Variants in CNTNAP5 observed in about 807,000 individuals in gnomAD.
CNTNAP5 encodes the protein contactin-associated protein-like 5.
A neutral mutation model predicts 150.2 loss-of-function variants in CNTNAP5; 72 were observed. The observed-to-expected ratio is 0.48, with a 90% CI of 0.40 to 0.58. The LOEUF (loss-of-function observed/expected upper bound fraction) is 0.58, where lower values mean the gene tolerates loss of function less well. Among genes scored for constraint, CNTNAP5 ranks in the 20% least tolerant of loss-of-function variants. CNTNAP5 has a pLI of 0.00. For synonymous variants in CNTNAP5, 672 were observed against 619.8 expected (o/e 1.08, Z -1.25); for missense variants, 1,636 against 1,626.2 (o/e 1.01, Z -0.10).
intron 13 of CNTNAP5, among the ~76,000 whole-genome samples, chr2:124,650,402 G>A (rs954516027): frequency 2.0e-5 from 3 of 152,176 alleles, no homozygotes; most frequent in African/African-American, 7.2e-5. Flanking sequence ...ATGCATGTGA[G>A]CTCACCGTCT....
At chr2:124,317,816 C>T (rs768266374) in intron 3 of CNTNAP5, among the ~76,000 whole-genome samples, 1 of 151,960 alleles carries the variant, frequency 6.6e-6, no homozygotes, top group Non-Finnish European at 1.5e-5. Context: ...GTAGGTGCAC[C>T]CTTAAAGTAA....
chr2:124,333,126 G>A (rs1689389401), intron 3 of CNTNAP5, among the ~76,000 whole-genome samples: 1 of 152,064 alleles, frequency 6.6e-6, no homozygotes, highest in Non-Finnish European at 1.5e-5. Context: ...ATTGGAGCCT[G>A]GCGCTTTGGC....
chr2:124,575,714 G>C (rs904713085), intron 11 of CNTNAP5, among the ~76,000 whole-genome samples: 2 of 152,174 alleles, frequency 1.3e-5, no homozygotes, highest in African/African-American at 4.8e-5. Flanking sequence ...TGAGCTCCTT[G>C]AGGTCATGCA....
chr2:124,737,886 GTGT>G (rs1472730304), intron 13 of CNTNAP5, among the ~76,000 whole-genome samples: 1 of 151,758 alleles, frequency 6.6e-6, no homozygotes, highest in African/African-American at 2.4e-5. Context: ...TTACCTCATA[GTGT>G]TGTTGTGGAG....
rs1255262734 is a variant in CNTNAP5 at position 124,829,218 on chromosome 2, TG to T, written c.3217+30900del. ...GAGTCAGGGGCTTGTGAAATTATGC[TG>T]GCAAGCTGAAAAGGGCCAAAAGGGC... On this transcript the variant is annotated intron_variant, in intron 19 of 23. Transcript: ENST00000682447. 2.0e-5 allele frequency among the ~76,000 whole-genome samples: 3 copies of T among 152,164 alleles called. No individual in the cohort carries two copies. In the East Asian group the frequency reaches 5.8e-4, roughly 29 times the overall value.
intron 1 of CNTNAP5, among the ~76,000 whole-genome samples, chr2:124,174,504 G>T (rs1685015245): frequency 6.6e-6 from 1 of 152,194 alleles, no homozygotes; most frequent in Admixed American, 6.5e-5. Flanking sequence ...ATTCAGCAGA[G>T]AAAGTAACTA....
intron 3 of CNTNAP5, among the ~76,000 whole-genome samples, chr2:124,336,530 C>A (rs1283558727): frequency 9.5e-6 from 1 of 105,794 alleles, no homozygotes; most frequent in East Asian, 3.9e-4. Flanking sequence ...CCCCCTCCCC[C>A]CACCCCACAA....
chr2:124,677,581 G>C (rs1373142246), intron 13 of CNTNAP5, among the ~76,000 whole-genome samples: 2 of 152,164 alleles, frequency 1.3e-5, no homozygotes, highest in Non-Finnish European at 2.9e-5. Context: ...ACAGAGCACT[G>C]ATTGGTGCAT....
chr2:124,541,179 A>AGTTTTTTTTTTTTTTTTTTTTTTTT, intron 10 of CNTNAP5, among the ~76,000 whole-genome samples: 1 of 83,080 alleles, frequency 1.2e-5, no homozygotes, highest in Non-Finnish European at 2.3e-5. Context: ...CAAAATTCCG[A>AGTTTTTTTTTTTTTTTTTTTTTTTT]TTTTTTTTTT....
chr2:124,080,897 C>T (rs920445222), intron 1 of CNTNAP5, among the ~76,000 whole-genome samples: 1 of 152,028 alleles, frequency 6.6e-6, no homozygotes, highest in Non-Finnish European at 1.5e-5. Flanking sequence ...TTTCCAGGGC[C>T]CCAGTCACGA....
intron 21 of CNTNAP5, among the ~76,000 whole-genome samples, chr2:124,884,080 T>A (rs930846490): frequency 6.6e-6 from 1 of 152,118 alleles, no homozygotes; most frequent in Non-Finnish European, 1.5e-5. Context: ...TGCATATCTG[T>A]CATGTATGTC....
chr2:124,180,725 T>C (rs950209989), intron 1 of CNTNAP5, among the ~76,000 whole-genome samples: 6 of 152,152 alleles, frequency 3.9e-5, no homozygotes, highest in African/African-American at 1.4e-4. Context: ...GAAACATAGT[T>C]AGGAAATCTT....
At chr2:124,292,878 A>G (rs951452621) in intron 3 of CNTNAP5, among the ~76,000 whole-genome samples, 2 of 152,110 alleles carry the variant, frequency 1.3e-5, no homozygotes, top group Non-Finnish European at 2.9e-5. Flanking sequence ...TTTCCAACAT[A>G]TAAATTTTAA....
chr2:124,102,603 C>G (rs532425758), intron 1 of CNTNAP5, among the ~76,000 whole-genome samples: 1 of 152,280 alleles, frequency 6.6e-6, no homozygotes, highest in Non-Finnish European at 1.5e-5. Context: ...TATTTTCTGC[C>G]TTTCTCTCTG....
At chr2:124,227,962 A>T (rs1348678496) in intron 2 of CNTNAP5, among the ~76,000 whole-genome samples, 1 of 152,034 alleles carries the variant, frequency 6.6e-6, no homozygotes, top group African/African-American at 2.4e-5. Flanking sequence ...ACACATATAT[A>T]TGAAATCATT....
chr2:124,122,616 G>A (rs1239960231), intron 1 of CNTNAP5, among the ~76,000 whole-genome samples: 3 of 152,106 alleles, frequency 2.0e-5, no homozygotes, highest in Admixed American at 6.5e-5. Flanking sequence ...CATGTGATGA[G>A]CTGAGATAGA....
At chr2:124,411,428 A>C (rs1230342284) in intron 3 of CNTNAP5, among the ~76,000 whole-genome samples, 1 of 151,954 alleles carries the variant, frequency 6.6e-6, no homozygotes, top group Non-Finnish European at 1.5e-5. Context: ...ACAACCAAAA[A>C]AGAGAATTTT....
At position 124,504,458 on chromosome 2, in the gene CNTNAP5, T is replaced by A. The variant is rs1694354482; in HGVS notation, c.1229T>A (p.Leu410Gln). ...NKDGLLLSTE[L>Q]SEGSGTLLLS... ...GATGGTCTGCTTCTGTCCACAGAGCTGTCTGAGGGCTCGGGAACCCTGCTG... is the reference window on the plus strand; with the variant it reads ...GATGGTCTGCTTCTGTCCACAGAGCAGTCTGAGGGCTCGGGAACCCTGCTG... Residue 410 changes from leucine to glutamine, a missense_variant, in exon 8 of 24, where the codon CTG becomes CAG. Coordinates refer to ENST00000682447, the MANE Select transcript of CNTNAP5 (RefSeq NM_001367498.1). 6.2e-7 allele frequency: 1 copy of A among 1,613,656 alleles called. No homozygotes were observed. Among genetic ancestry groups the A allele is most frequent in the Non-Finnish European group, 8.5e-7 (1 of 1,179,814 alleles).
intron 3 of CNTNAP5, among the ~76,000 whole-genome samples, chr2:124,328,394 G>C (rs921310138): frequency 6.6e-6 from 1 of 152,126 alleles, no homozygotes; most frequent in Admixed American, 6.5e-5. Context: ...AAAGTATCTT[G>C]CTTCTTACTC....
Sources: allele counts gnomAD v4.1 joint callset (sites outside exome capture counted in the v4.1 genomes callset), GRCh38; gene constraint gnomAD v4.1.1; transcripts MANE v1.5; gene names NCBI Gene and HGNC (gene_info 2026-07-23, HGNC 2026-07-21).